The following ANKRD17 variants were observed in gnomAD, a reference collection of about 807,000 sequenced individuals.
ANKRD17 encodes the protein ankyrin repeat domain 17.
ANKRD17 carries 19 observed loss-of-function variants against 229.7 expected under a neutral mutation model. The ratio of observed to expected loss-of-function variants is 0.08; its 90% CI spans 0.06 to 0.12. ANKRD17 has a LOEUF of 0.12. ANKRD17 is among the 10% of genes least tolerant of loss of function. The pLI is 1.00. For missense variants in ANKRD17, 2,176 were observed against 3,176.8 expected (o/e 0.68, Z 7.57); for synonymous variants, 1,112 against 1,146.1 (o/e 0.97, Z 0.60).
chr4:73,250,589 CAAAAAAAA>C (rs35160047), intron 1 of ANKRD17, among the ~76,000 whole-genome samples: 32 of 29,410 alleles, frequency 1.1e-3, no homozygotes, highest in South Asian at 2.5e-3. Flanking sequence ...GACCTTGTCT[CAAAAAAAA>C]AAAAAAAAAA....
intron 8 of ANKRD17, among the ~76,000 whole-genome samples, chr4:73,148,504 G>C (rs1730586229): frequency 6.6e-6 from 1 of 152,084 alleles, no homozygotes; most frequent in Non-Finnish European, 1.5e-5. Context: ...ACATTCTCTT[G>C]ATCTATTACC....
intron 1 of ANKRD17, among the ~76,000 whole-genome samples, chr4:73,196,108 T>G (rs1737846144): frequency 6.6e-6 from 1 of 151,520 alleles, no homozygotes; most frequent in African/African-American, 2.4e-5. Flanking sequence ...AGAGTGATTC[T>G]TCTGCCTCAG....
intron 1 of ANKRD17, among the ~76,000 whole-genome samples, chr4:73,228,394 T>A (rs1383567353): frequency 6.6e-6 from 1 of 152,168 alleles, no homozygotes; most frequent in Non-Finnish European, 1.5e-5. Context: ...AAAAGTAATA[T>A]TCTTTTTATT....
chr4:73,082,966 T>G (rs1053383199), intron 30 of ANKRD17, among the ~76,000 whole-genome samples: 8 of 152,180 alleles, frequency 5.3e-5, no homozygotes, highest in African/African-American at 1.4e-4. Flanking sequence ...CATTCTTATA[T>G]TTAGGAAACT....
In ANKRD17 at chr4:73,077,534, C is replaced by A. The variant is rs927333391; in HGVS notation, c.7409-1G>T. On this transcript the variant is annotated splice_acceptor_variant, in intron 31 of 33. Transcript: ENST00000358602. LOFTEE classifies it high-confidence loss of function. ...CCAGGGTTACACCAGTCTACTTTGT[C>A]TGAGGGCAAACAAAGAGGCAAAACA... The A allele has an allele frequency of 6.4e-7, 1 of 1,558,252 alleles. No homozygotes were observed. Among genetic ancestry groups the A allele is most frequent in the Non-Finnish European group, 8.7e-7 (1 of 1,155,304 alleles).
At chr4:73,122,529 T>C (rs922448558) in intron 18 of ANKRD17, among the ~76,000 whole-genome samples, 3 of 152,182 alleles carry the variant, frequency 2.0e-5, no homozygotes, top group African/African-American at 7.2e-5. Context: ...TTGTCCACTA[T>C]GCCATTTAAT....
intron 1 of ANKRD17, among the ~76,000 whole-genome samples, chr4:73,232,323 T>C (rs1743121048): frequency 1.3e-5 from 2 of 152,152 alleles, no homozygotes; most frequent in African/African-American, 4.8e-5. Context: ...AAGGACAAAC[T>C]AGTTTCTATA....
chr4:73,189,235 A>G (rs1736701668), intron 1 of ANKRD17, among the ~76,000 whole-genome samples: 1 of 152,142 alleles, frequency 6.6e-6, no homozygotes, highest in South Asian at 2.1e-4. Flanking sequence ...CAAAAACCCA[A>G]TAGCAAATTA....
At chr4:73,109,521 T>C (rs903159114) in intron 24 of ANKRD17, among the ~76,000 whole-genome samples, 35 of 152,114 alleles carry the variant, frequency 2.3e-4, no homozygotes, top group Admixed American at 2.2e-3. Flanking sequence ...TTTCTCAGGA[T>C]GCAAGGTCAC....
intron 1 of ANKRD17, among the ~76,000 whole-genome samples, chr4:73,211,080 C>T (rs982597821): frequency 2.6e-5 from 4 of 151,584 alleles, no homozygotes; most frequent in Admixed American, 1.3e-4. Context: ...TTTTTTTTAA[C>T]TTAAAGAGTC....
At chr4:73,089,463 C>T (rs1722549579) in intron 29 of ANKRD17, among the ~76,000 whole-genome samples, 2 of 152,066 alleles carry the variant, frequency 1.3e-5, no homozygotes, top group South Asian at 4.1e-4. Flanking sequence ...ACTTGAAATG[C>T]TTATATTAAA....
At chr4:73,119,035 T>C (rs572274733) in intron 21 of ANKRD17, among the ~76,000 whole-genome samples, 185 bp from the exon 22 acceptor site, 4 of 151,914 alleles carry the variant, frequency 2.6e-5, no homozygotes, top group East Asian at 3.9e-4. Flanking sequence ...TACAGTCCCA[T>C]GCCACCACGC....
chr4:73,216,389 A>T (rs1035278058), intron 1 of ANKRD17, among the ~76,000 whole-genome samples: 2 of 152,180 alleles, frequency 1.3e-5, no homozygotes, highest in Non-Finnish European at 2.9e-5. Context: ...TTGAGTTCTC[A>T]ATAATTTTTA....
intron 16 of ANKRD17, among the ~76,000 whole-genome samples, chr4:73,129,132 A>T (rs923740775): frequency 6.6e-6 from 1 of 152,220 alleles, no homozygotes; most frequent in African/African-American, 2.4e-5. Context: ...GAGCTTTAAG[A>T]GCTCATTCAG....
intron 23 of ANKRD17, among the ~76,000 whole-genome samples, chr4:73,115,293 GTTATT>G (rs1204159885): frequency 6.6e-6 from 1 of 151,998 alleles, no homozygotes; most frequent in African/African-American, 2.4e-5. Flanking sequence ...TTTTTTTGTT[GTTATT>G]TTATTTTTTG....
At chr4:73,239,921 C>T (rs1236087834) in intron 1 of ANKRD17, among the ~76,000 whole-genome samples, 2 of 152,162 alleles carry the variant, frequency 1.3e-5, no homozygotes, top group African/African-American at 2.4e-5. Flanking sequence ...ATTACCCCCT[C>T]AATAGAATTA....
chr4:73,210,598 C>A (rs958322445), intron 1 of ANKRD17, among the ~76,000 whole-genome samples: 2 of 152,088 alleles, frequency 1.3e-5, no homozygotes, highest in East Asian at 1.9e-4. Flanking sequence ...ACAAACAAGA[C>A]CATCAGAAAA....
At chr4:73,254,832 T>C (rs1026780534) in intron 1 of ANKRD17, among the ~76,000 whole-genome samples, 1 of 151,830 alleles carries the variant, frequency 6.6e-6, no homozygotes, top group Non-Finnish European at 1.5e-5. Context: ...ATGCATTCAA[T>C]AGAATGCAAT....
intron 26 of ANKRD17, 105 bp downstream of exon 26, chr4:73,097,968 A>T (rs1723504873): frequency 9.6e-7 from 1 of 1,046,358 alleles, no homozygotes; most frequent in Non-Finnish European, 1.4e-6. Context: ...CACAAAGAAA[A>T]ATCCTATTTT....
Sources: gnomAD v4.1 joint callset for allele counts (sites outside exome capture counted in the v4.1 genomes callset) on GRCh38, gnomAD v4.1.1 for gene constraint, MANE v1.5 for transcripts, NCBI Gene and HGNC (gene_info 2026-07-23, HGNC 2026-07-21) for gene names.